The following TMEM132D variants were observed in gnomAD, a reference collection of about 807,000 sequenced individuals.
The protein encoded by TMEM132D is transmembrane protein 132D.
In TMEM132D, 21 loss-of-function variants were observed where a neutral mutation model predicts 62.3. That is an observed-to-expected ratio of 0.34 (90% confidence interval 0.24 to 0.49). The LOEUF is 0.49. Among genes scored for constraint, TMEM132D ranks in the 20% least tolerant of loss-of-function variants. TMEM132D has a pLI of 0.99. For synonymous variants in TMEM132D, 621 were observed against 575.6 expected, an observed-to-expected ratio of 1.08 and a Z score of -1.13; for missense variants, 1,346 against 1,402.8, an observed-to-expected ratio of 0.96 and a Z score of 0.65.
intron 3 of TMEM132D, among the ~76,000 whole-genome samples, chr12:129,501,229 T>G (rs1364586317): frequency 6.6e-6 from 1 of 152,112 alleles, no homozygotes; most frequent in Admixed American, 6.5e-5. Context: ...TCACGATCTA[T>G]CCCCTCAGAT....
chr12:129,650,587 T>C (rs1879901853), intron 2 of TMEM132D, among the ~76,000 whole-genome samples: 1 of 152,136 alleles, frequency 6.6e-6, no homozygotes, highest in Admixed American at 6.5e-5. Context: ...AAGGTGAGAG[T>C]CCTGGCTGCT....
intron 1 of TMEM132D, among the ~76,000 whole-genome samples, chr12:129,749,463 CT>C (rs67597510): frequency 0.17 from 23,757 of 143,080 alleles, 1,976 homozygotes; most frequent in South Asian, 0.26. Context: ...TGAAAAGAAT[CT>C]TTTTTTTTTT....
At chr12:129,452,599 T>C (rs10847879) in intron 3 of TMEM132D, among the ~76,000 whole-genome samples, 50,457 of 152,008 alleles carry the variant, frequency 0.33, 10,077 homozygotes, top group African/African-American at 0.57. Flanking sequence ...AATGTAAACA[T>C]CCTGGGAATT....
At chr12:129,284,316 T>C (rs1881235596) in intron 4 of TMEM132D, among the ~76,000 whole-genome samples, 1 of 152,228 alleles carries the variant, frequency 6.6e-6, no homozygotes, top group South Asian at 2.1e-4. Context: ...ATCTACATCA[T>C]CTGAAACAGA....
At chr12:129,103,269 T>A (rs963059111) in intron 5 of TMEM132D, among the ~76,000 whole-genome samples, 1 of 152,136 alleles carries the variant, frequency 6.6e-6, no homozygotes, top group Non-Finnish European at 1.5e-5. Context: ...CAGTAATGCT[T>A]CACCCCACAG....
intron 2 of TMEM132D, among the ~76,000 whole-genome samples, chr12:129,671,350 T>C (rs1036797192): frequency 2.0e-5 from 3 of 152,098 alleles, no homozygotes; most frequent in Non-Finnish European, 2.9e-5. Flanking sequence ...CAATATTAAA[T>C]TGAAAATGAG....
At chr12:129,450,935 TGTAATTTTA>T (rs1873264114) in intron 3 of TMEM132D, among the ~76,000 whole-genome samples, 1 of 152,086 alleles carries the variant, frequency 6.6e-6, no homozygotes, top group Non-Finnish European at 1.5e-5. Context: ...GGCTAATTTT[TGTAATTTTA>T]GTAAAGACAG....
At chr12:129,533,049 A>T (rs1245762842) in intron 2 of TMEM132D, among the ~76,000 whole-genome samples, 1 of 151,798 alleles carries the variant, frequency 6.6e-6, no homozygotes, top group Non-Finnish European at 1.5e-5. Context: ...GGTCTTAGGA[A>T]CCCCCAGGAC....
At chr12:129,503,873 C>T (rs977347787) in intron 3 of TMEM132D, among the ~76,000 whole-genome samples, 3 of 152,054 alleles carry the variant, frequency 2.0e-5, no homozygotes, top group African/African-American at 7.2e-5. Flanking sequence ...CCTCCTCCTC[C>T]TCATCTTCTT....
intron 3 of TMEM132D, among the ~76,000 whole-genome samples, chr12:129,339,966 G>C (rs139237425): frequency 5.5e-4 from 83 of 152,020 alleles, no homozygotes; most frequent in Non-Finnish European, 9.0e-4. Context: ...ATCCTTGCCC[G>C]CAGTAGAATA....
Position 129,867,529 on chromosome 12 carries a change from G to A in TMEM132D, c.79+35732C>T, listed in dbSNP as rs983942631. ...GCAAGTTCTAGAGTTCGAATGAACC[G>A]CAGAAGGACTAAAATTAATAATTCT... On this transcript the variant is annotated intron_variant, in intron 1 of 8. Coordinates refer to ENST00000422113, the MANE Select transcript of TMEM132D (RefSeq NM_133448.3). The surrounding 1 kb of genome is among the most constrained non-coding windows in gnomAD (Gnocchi z 4.5). Among the ~76,000 whole-genome samples, 5 of 152,292 alleles carry A rather than the reference G, an allele frequency of 3.3e-5. No homozygotes were observed. Among genetic ancestry groups the A allele is most frequent in the South Asian group, 4.1e-4 (2 of 4,826 alleles).
chr12:129,758,337 T>A (rs1870238991), intron 1 of TMEM132D, among the ~76,000 whole-genome samples: 1 of 152,240 alleles, frequency 6.6e-6, no homozygotes, highest in African/African-American at 2.4e-5. Context: ...TTATTCTTTA[T>A]GATTCCACTT....
At chr12:129,422,377 A>G (rs1036418169) in intron 3 of TMEM132D, among the ~76,000 whole-genome samples, 3 of 152,214 alleles carry the variant, frequency 2.0e-5, no homozygotes, top group Admixed American at 6.5e-5. Flanking sequence ...TGATAGAACA[A>G]AAAATTAGCA....
chr12:129,130,741 T>C (rs1030107512), intron 5 of TMEM132D, among the ~76,000 whole-genome samples: 1 of 152,092 alleles, frequency 6.6e-6, no homozygotes, highest in African/African-American at 2.4e-5. Flanking sequence ...TGAAATGCCA[T>C]GACCTAGAGA....
intron 1 of TMEM132D, among the ~76,000 whole-genome samples, chr12:129,711,934 G>C (rs1004329068): frequency 1.3e-5 from 2 of 151,732 alleles, no homozygotes; most frequent in Middle Eastern, 3.2e-3. Flanking sequence ...TGCTAAAAGT[G>C]AGAGAAGTCG....
At chr12:129,696,709 C>A (rs1367640108) in intron 2 of TMEM132D, among the ~76,000 whole-genome samples, 1 of 152,202 alleles carries the variant, frequency 6.6e-6, no homozygotes, top group Non-Finnish European at 1.5e-5. Context: ...GCGTCTGAGC[C>A]TTGCTCTCAG....
intron 4 of TMEM132D, among the ~76,000 whole-genome samples, chr12:129,245,007 T>G (rs1005494624): frequency 1.3e-5 from 2 of 152,356 alleles, no homozygotes; most frequent in Middle Eastern, 3.4e-3. Context: ...CTTCAAATTC[T>G]AAGCCCATAT....
At chr12:129,559,217 G>A (rs1877145701) in intron 2 of TMEM132D, among the ~76,000 whole-genome samples, 1 of 152,198 alleles carries the variant, frequency 6.6e-6, no homozygotes. Flanking sequence ...AAAGGCAAAT[G>A]TGGAGCTGAG....
chr12:129,111,778 TG>T (rs1175625815), intron 5 of TMEM132D: 2 of 152,208 alleles, frequency 1.3e-5, no homozygotes, highest in Non-Finnish European at 2.9e-5. Context: ...TATCTAGCAA[TG>T]CTAGACAGTA....
Sources: allele counts gnomAD v4.1 joint callset (sites outside exome capture counted in the v4.1 genomes callset), GRCh38; gene constraint gnomAD v4.1.1; non-coding constraint Gnocchi (gnomAD v3.1); transcripts MANE v1.5; gene names NCBI Gene and HGNC (gene_info 2026-07-23, HGNC 2026-07-21).